ZFPM2: variants seen among roughly 807,000 people sequenced by gnomAD.
ZFPM2 encodes zinc finger protein ZFPM2.
Under a neutral mutation model 98.6 loss-of-function variants are expected in ZFPM2, and 20 were observed. That is an observed-to-expected ratio of 0.20 (90% confidence interval 0.14 to 0.29). The LOEUF is 0.29. Among genes scored for constraint, ZFPM2 ranks in the 10% least tolerant of loss-of-function variants. The pLI, the probability that ZFPM2 is intolerant of heterozygous loss-of-function variation, is 1.00. For missense variants in ZFPM2, 1,310 were observed against 1,388.6 expected (o/e 0.94, Z 0.90); for synonymous variants, 518 against 502.7 (o/e 1.03, Z -0.41).
intron 1 of ZFPM2, among the ~76,000 whole-genome samples, chr8:105,350,694 G>A (rs758699260): frequency 6.6e-6 from 1 of 152,116 alleles, no homozygotes; most frequent in Non-Finnish European, 1.5e-5. Flanking sequence ...TAGCATATTA[G>A]TATACTCTTT....
intron 4 of ZFPM2, among the ~76,000 whole-genome samples, chr8:105,613,687 C>T (rs1816355346): frequency 6.6e-6 from 1 of 151,940 alleles, no homozygotes; most frequent in Admixed American, 6.6e-5. Context: ...TCAGGTTTAC[C>T]AACACTCACT....
At chr8:105,349,911 C>T (rs1485499757) in intron 1 of ZFPM2, among the ~76,000 whole-genome samples, 1 of 152,024 alleles carries the variant, frequency 6.6e-6, no homozygotes, top group Non-Finnish European at 1.5e-5. Context: ...TCTGTAGTCT[C>T]TCAGTTGATT....
chr8:105,563,619 G>A (rs937498527), intron 4 of ZFPM2, among the ~76,000 whole-genome samples: 1 of 152,100 alleles, frequency 6.6e-6, no homozygotes, highest in African/African-American at 2.4e-5. Flanking sequence ...CTTTCAGAGA[G>A]CAATATTAAC....
intron 3 of ZFPM2, among the ~76,000 whole-genome samples, chr8:105,448,789 C>T (rs1377320734): frequency 6.6e-6 from 1 of 151,988 alleles, no homozygotes; most frequent in African/African-American, 2.4e-5. Context: ...TACAAAGTAT[C>T]CAGCACAGAA....
Position 105,730,790 on chromosome 8 carries a change from T to C in ZFPM2, c.533-57928T>C, listed in dbSNP as rs549949241. Among the ~76,000 whole-genome samples the C allele has an allele frequency of 1.7e-4, 25 of 150,064 alleles. No homozygotes were observed. The East Asian group carries it at 2.7e-3, about 17-fold the overall frequency. ...TTTTCTTTTTTCTTTTTTTTTTTTT[T>C]TTTTTTTACTGGCTACAGAATGAAT... is the stretch of plus-strand genomic sequence containing the variant. On this transcript the variant is annotated intron_variant, in intron 5 of 7. Coordinates refer to ENST00000407775, the MANE Select transcript of ZFPM2 (RefSeq NM_012082.4).
chr8:105,469,555 A>G (rs1586395206), intron 3 of ZFPM2, among the ~76,000 whole-genome samples: 1 of 152,216 alleles, frequency 6.6e-6, no homozygotes, highest in East Asian at 1.9e-4. Context: ...GGAGGGCCAG[A>G]CTGACTAGCC....
At chr8:105,342,097 A>G (rs1812440587) in intron 1 of ZFPM2, among the ~76,000 whole-genome samples, 1 of 152,018 alleles carries the variant, frequency 6.6e-6, no homozygotes, top group Non-Finnish European at 1.5e-5. Context: ...GGAATAGATG[A>G]GTTGACAGTA....
At chr8:105,585,571 T>C (rs574031013) in intron 4 of ZFPM2, among the ~76,000 whole-genome samples, 3 of 152,362 alleles carry the variant, frequency 2.0e-5, no homozygotes, top group Non-Finnish European at 2.9e-5. Flanking sequence ...CAATGTAAGA[T>C]GTTGCCGTGT....
chr8:105,747,466 T>A (rs1405536596), intron 5 of ZFPM2, among the ~76,000 whole-genome samples: 1 of 152,116 alleles, frequency 6.6e-6, no homozygotes, highest in Non-Finnish European at 1.5e-5. Flanking sequence ...TCATAATGAA[T>A]GCAGTCTCGC....
intron 1 of ZFPM2, 74 bp from the exon 2 acceptor site, chr8:105,419,070 G>T (rs1213164039): frequency 7.0e-7 from 1 of 1,438,080 alleles, no homozygotes; most frequent in Non-Finnish European, 9.5e-7. Flanking sequence ...AACAAAAAAA[G>T]GCTCTATTTA....
chr8:105,506,051 A>C (rs779013636), intron 3 of ZFPM2, among the ~76,000 whole-genome samples: 5 of 152,194 alleles, frequency 3.3e-5, no homozygotes, highest in African/African-American at 4.8e-5. Context: ...GAAGCACTGT[A>C]AATATCATGA....
chr8:105,473,673 C>A (rs768185583), intron 3 of ZFPM2, among the ~76,000 whole-genome samples: 4 of 152,200 alleles, frequency 2.6e-5, no homozygotes, highest in Non-Finnish European at 4.4e-5. Context: ...GAAACACCCA[C>A]AGAGTAATAG....
At chr8:105,701,719 A>C (rs1384903223) in intron 5 of ZFPM2, among the ~76,000 whole-genome samples, 3 of 152,228 alleles carry the variant, frequency 2.0e-5, no homozygotes, top group Admixed American at 6.5e-5. Flanking sequence ...ATATTACCTG[A>C]AAATATAGTC....
chr8:105,483,025 T>TCCTTCCTTCCTTCCTTCCTTCCTTCCTG, intron 3 of ZFPM2, among the ~76,000 whole-genome samples: 1 of 137,280 alleles, frequency 7.3e-6, no homozygotes, highest in Non-Finnish European at 1.6e-5. Flanking sequence ...CTTCCTTCCT[T>TCCTTCCTTCCTTCCTTCCTTCCTTCCTG]CCTTCCTTCC....
Position 105,699,133 on chromosome 8 carries a change from G to C in ZFPM2, c.532+64776G>C, listed in dbSNP as rs551565597. On this transcript the variant is annotated intron_variant, in intron 5 of 7. Transcript: ENST00000407775. ...TTGCAAATTTGGGTCTCTCTATAAG[G>C]TGTAATTATCTGAACATCTTGCCAT... is the stretch of plus-strand genomic sequence containing the variant. Among the ~76,000 whole-genome samples the C allele has an allele frequency of 2.4e-4, 36 of 152,182 alleles. No homozygotes were observed. The South Asian group carries it at 7.3e-3, about 31-fold the overall frequency.
At chr8:105,620,177 A>G (rs975805175) in intron 4 of ZFPM2, among the ~76,000 whole-genome samples, 2 of 152,094 alleles carry the variant, frequency 1.3e-5, no homozygotes, top group African/African-American at 4.8e-5. Context: ...ATTTCTCCAC[A>G]TCCTCTCCAG....
chr8:105,643,791 T>C (rs1816989105), intron 5 of ZFPM2, among the ~76,000 whole-genome samples: 1 of 152,184 alleles, frequency 6.6e-6, no homozygotes, highest in African/African-American at 2.4e-5. Flanking sequence ...AATAATGTCT[T>C]TACTTCTTGT....
intron 2 of ZFPM2, among the ~76,000 whole-genome samples, chr8:105,438,163 C>T (rs1812163258): frequency 6.6e-6 from 1 of 152,190 alleles, no homozygotes; most frequent in Non-Finnish European, 1.5e-5. Flanking sequence ...TTATTGGTTT[C>T]TTCCTCCAAG....
intron 1 of ZFPM2, among the ~76,000 whole-genome samples, chr8:105,368,653 C>T (rs1157361875): frequency 6.6e-6 from 1 of 152,058 alleles, no homozygotes; most frequent in Non-Finnish European, 1.5e-5. Context: ...CAGATCCTTT[C>T]CTCTTGACCT....
Sources: allele counts gnomAD v4.1 joint callset (sites outside exome capture counted in the v4.1 genomes callset), GRCh38; gene constraint gnomAD v4.1.1; transcripts MANE v1.5; gene names NCBI Gene and HGNC (gene_info 2026-07-23, HGNC 2026-07-21).